TMEFF1: variants seen among roughly 807,000 people sequenced by gnomAD.
TMEFF1 encodes transmembrane protein with EGF like and two follistatin like domains 1, also known as tomoregulin-1.
TMEFF1 carries 20 observed loss-of-function variants against 47.5 expected under a neutral mutation model. The ratio of observed to expected loss-of-function variants is 0.42; its 90% CI spans 0.30 to 0.61. The LOEUF (loss-of-function observed/expected upper bound fraction) is 0.61. TMEFF1 is among the 20% of genes least tolerant of loss of function. The pLI is 0.19. For missense variants in TMEFF1, 411 were observed against 471.1 expected (o/e 0.87, Z 1.18); for synonymous variants, 162 against 166.3 (o/e 0.97, Z 0.20).
intron 8 of TMEFF1, among the ~76,000 whole-genome samples, chr9:100,571,885 C>G (rs1277606965): frequency 6.6e-6 from 1 of 152,156 alleles, no homozygotes; most frequent in Non-Finnish European, 1.5e-5. Flanking sequence ...CAACCTAGAT[C>G]CCTTGTGTGC....
chr9:100,492,102 T>A lies in TMEFF1; in HGVS notation c.197-6663T>A, dbSNP rs367846057. Among the ~76,000 whole-genome samples, 31 of 152,322 alleles carry A rather than the reference T, an allele frequency of 2.0e-4. 1 individual carries two copies. In the South Asian group the frequency reaches 5.0e-3, roughly 24 times the overall value. On this transcript the variant is annotated intron_variant, in intron 1 of 9. Transcript: ENST00000374879. ...GGTTTCATCACGTTGGCCAGGCTGG[T>A]CTTGAACTCTTGACCTCATGATCTG...
At chr9:100,548,901 C>T (rs1338657268) in intron 6 of TMEFF1, among the ~76,000 whole-genome samples, 2 of 152,028 alleles carry the variant, frequency 1.3e-5, no homozygotes, top group African/African-American at 4.8e-5. Flanking sequence ...GTAGATGTCC[C>T]ACTTAGCCTT....
At chr9:100,520,405 C>A (rs980463547) in intron 5 of TMEFF1, among the ~76,000 whole-genome samples, 1 of 152,156 alleles carries the variant, frequency 6.6e-6, no homozygotes, top group Non-Finnish European at 1.5e-5. Context: ...TGTTATCCAA[C>A]CTATCTGATT....
At chr9:100,541,658 G>A (rs1838635317) in intron 5 of TMEFF1, among the ~76,000 whole-genome samples, 1 of 152,038 alleles carries the variant, frequency 6.6e-6, no homozygotes. Context: ...TTACAGGTAT[G>A]AGCCACCACG....
rs147254838 is a variant in TMEFF1 at position 100,555,410 on chromosome 9, G to A, written c.775+5250G>A. Among the ~76,000 whole-genome samples, 511 of 152,216 alleles carry A rather than the reference G, an allele frequency of 3.4e-3. 3 individuals are homozygous for A. Among genetic ancestry groups the A allele is most frequent in the African/African-American group, 0.012 (480 of 41,526 alleles). On this transcript the variant is annotated intron_variant, in intron 7 of 9. Transcript: ENST00000374879. ...TTTTTGAAGTTGGCTAATTTACTTG[G>A]CCTGGAGAGCAGGTGCTTGGCCATT... is the stretch of plus-strand genomic sequence containing the variant.
chr9:100,557,551 A>G (rs914598838), intron 7 of TMEFF1, among the ~76,000 whole-genome samples: 17 of 152,132 alleles, frequency 1.1e-4, no homozygotes, highest in African/African-American at 4.1e-4. Flanking sequence ...TGCCATGTGC[A>G]TTATACCTTC....
rs535937754 is a variant in TMEFF1 at position 100,572,870 on chromosome 9, C to T, written c.1058+194C>T. ...TCCCAGTCTTACAGGTATATCTGGG[C>T]GACAAGCAGAGAGGGAATGAGAATA... is the stretch of plus-strand genomic sequence containing the variant. On this transcript the variant is annotated intron_variant, in intron 9 of 9. Transcript: ENST00000374879. Among the ~76,000 whole-genome samples the T allele has an allele frequency of 1.2e-4, 18 of 151,668 alleles. No homozygotes were observed. The South Asian group carries it at 1.5e-3, about 12-fold the overall frequency.
chr9:100,495,398 T>G (rs561569321), intron 1 of TMEFF1, among the ~76,000 whole-genome samples: 1 of 152,328 alleles, frequency 6.6e-6, no homozygotes, highest in Admixed American at 6.5e-5. Context: ...GTCTTGTTTT[T>G]TCTGACACTG....
At chr9:100,490,605 T>G (rs1300972973) in intron 1 of TMEFF1, among the ~76,000 whole-genome samples, 3 of 152,176 alleles carry the variant, frequency 2.0e-5, no homozygotes, top group Non-Finnish European at 2.9e-5. Flanking sequence ...AAAGGAGAAC[T>G]ACCACGTGAA....
chr9:100,488,979 CTA>C (rs1346671844), intron 1 of TMEFF1, among the ~76,000 whole-genome samples: 2 of 152,064 alleles, frequency 1.3e-5, no homozygotes, highest in African/African-American at 2.4e-5. Context: ...CGTACATTTA[CTA>C]TATTGTGCAG....
intron 1 of TMEFF1, among the ~76,000 whole-genome samples, chr9:100,488,297 G>A (rs1348648171): frequency 6.6e-6 from 1 of 152,092 alleles, no homozygotes; most frequent in African/African-American, 2.4e-5. Flanking sequence ...AGTCTGTGTA[G>A]TATTATGTCA....
chr9:100,479,249 C>G (rs1009412811), intron 1 of TMEFF1, among the ~76,000 whole-genome samples: 2 of 152,108 alleles, frequency 1.3e-5, no homozygotes, highest in Non-Finnish European at 2.9e-5. Flanking sequence ...TATGAGAAGG[C>G]TTCCCTGCTT....
chr9:100,497,624 G>A (rs1837676694), intron 1 of TMEFF1, among the ~76,000 whole-genome samples: 1 of 152,056 alleles, frequency 6.6e-6, no homozygotes, highest in African/African-American at 2.4e-5. Flanking sequence ...AATAAATGGG[G>A]TAGAGAGAGG....
intron 3 of TMEFF1, among the ~76,000 whole-genome samples, chr9:100,510,128 G>A (rs764175810): frequency 4.9e-4 from 74 of 152,058 alleles, no homozygotes; most frequent in Non-Finnish European, 1.5e-4. Context: ...CAATTTTAGG[G>A]TCAACTACAA....
At chr9:100,574,006 TTGTC>T (rs1839301484) in intron 9 of TMEFF1, among the ~76,000 whole-genome samples, 1 of 152,112 alleles carries the variant, frequency 6.6e-6, no homozygotes, top group African/African-American at 2.4e-5. Flanking sequence ...GTTAAGTAAT[TTGTC>T]TGTGGTCATC....
At chr9:100,476,546 C>T (rs545119129) in intron 1 of TMEFF1, among the ~76,000 whole-genome samples, 2 of 152,136 alleles carry the variant, frequency 1.3e-5, no homozygotes, top group South Asian at 4.2e-4. Context: ...AGGCGCCCAC[C>T]ACCATGCCGG....
chr9:100,526,023 T>G (rs542635202), intron 5 of TMEFF1, among the ~76,000 whole-genome samples: 102 of 152,358 alleles, frequency 6.7e-4, no homozygotes, highest in African/African-American at 2.4e-3. Flanking sequence ...GTGTGAGATT[T>G]TAAAAACGTT....
At chr9:100,533,813 G>C (rs1053622332) in intron 5 of TMEFF1, among the ~76,000 whole-genome samples, 1 of 152,056 alleles carries the variant, frequency 6.6e-6, no homozygotes, top group African/African-American at 2.4e-5. Flanking sequence ...CCGCCTCCTG[G>C]GTTGAAGCGA....
At chr9:100,555,808 A>AT (rs758602627) in intron 7 of TMEFF1, among the ~76,000 whole-genome samples, 5 of 152,188 alleles carry the variant, frequency 3.3e-5, no homozygotes, top group Non-Finnish European at 7.3e-5. Flanking sequence ...ATATTCTTTC[A>AT]TTTAATAGTT....
Sources: allele counts gnomAD v4.1 joint callset (sites outside exome capture counted in the v4.1 genomes callset), GRCh38; gene constraint gnomAD v4.1.1; transcripts MANE v1.5; gene names NCBI Gene and HGNC (gene_info 2026-07-23, HGNC 2026-07-21).